The following TFB2M variants were observed in gnomAD, a reference collection of about 807,000 sequenced individuals.
TFB2M encodes transcription factor B2, mitochondrial, also known as dimethyladenosine transferase 2, mitochondrial.
TFB2M carries 44 observed loss-of-function variants against 41.3 expected under a neutral mutation model. That is an observed-to-expected ratio of 1.07 (90% confidence interval 0.84 to 1.37). TFB2M has a LOEUF of 1.37. Among genes scored for constraint, TFB2M ranks in the 40% most tolerant of loss-of-function variants. The pLI is 0.00. For missense variants in TFB2M, 496 were observed against 490.2 expected, an observed-to-expected ratio of 1.01 and a Z score of -0.11; for synonymous variants, 188 against 176.8, an observed-to-expected ratio of 1.06 and a Z score of -0.50.
At position 246,559,681 on chromosome 1, in the gene TFB2M, T is replaced by G. The variant is rs574834550; in HGVS notation, c.403-2147A>C. Among the ~76,000 whole-genome samples the G allele has an allele frequency of 4.6e-5, 7 of 152,306 alleles. No homozygotes were observed. In the East Asian group the frequency reaches 1.4e-3, roughly 29 times the overall value. On this transcript the variant is annotated intron_variant, in intron 2 of 7. Transcript: ENST00000366514. Reference sequence around the variant, plus strand: ...TTGGTCACATTAATTTCGAGATGCCTACTATGTGATCTAGGTAGAGGTGCC... The same window carrying G: ...TTGGTCACATTAATTTCGAGATGCCGACTATGTGATCTAGGTAGAGGTGCC...
intron 2 of TFB2M, 115 bp downstream of exon 2, chr1:246,564,231 G>C: frequency 2.4e-6 from 2 of 823,876 alleles, no homozygotes; most frequent in Non-Finnish European, 3.9e-6. Context: ...ATATTTCAGA[G>C]ATGGCTCCCT....
rs1298851740 is a variant in TFB2M at position 246,566,130 on chromosome 1, G to A, written c.9C>T (p.Ile3=). 4 of 1,609,294 alleles carry A rather than the reference G, an allele frequency of 2.5e-6. No individual in the cohort carries two copies. The highest frequency in any genetic ancestry group is 3.4e-6 in the Non-Finnish European group (4 of 1,176,634). ...GCCGCCGAGGAAGCCCGACCACTGGGATCCACATGTCCTTGTCTCTCAGGC... is the reference window on the plus strand; with the variant it reads ...GCCGCCGAGGAAGCCCGACCACTGGAATCCACATGTCCTTGTCTCTCAGGC... MW[I]PVVGLPRRLR... is the part of the protein sequence containing the mutation. Residue 3 remains isoleucine, a synonymous_variant, in exon 1 of 8, where the codon ATC becomes ATT. Coordinates refer to ENST00000366514, the MANE Select transcript of TFB2M (RefSeq NM_022366.3).
At chr1:246,561,049 C>A (rs746556107) in intron 2 of TFB2M, among the ~76,000 whole-genome samples, 1 of 152,182 alleles carries the variant, frequency 6.6e-6, no homozygotes, top group African/African-American at 2.4e-5. Flanking sequence ...CTTTAGGTGG[C>A]CAGAAGCATT....
At position 246,566,163 on chromosome 1, in the gene TFB2M, A is replaced by C; in HGVS notation, c.-25T>G. ...TGTCCTTGTCTCTCAGGCCCGCTCC[A>C]AGAATCACCTAGTGCAGCTACTACA... On this transcript the variant is annotated 5_prime_UTR_variant, in exon 1 of 8. Coordinates refer to ENST00000366514, the MANE Select transcript of TFB2M (RefSeq NM_022366.3). 6.3e-7 allele frequency: 1 copy of C among 1,592,772 alleles called. No individual in the cohort carries two copies. The highest frequency in any genetic ancestry group is 1.3e-5 in the African/African-American group (1 of 74,406).
intron 2 of TFB2M, among the ~76,000 whole-genome samples, chr1:246,563,201 AC>A (rs1010687081): frequency 3.6e-5 from 4 of 111,806 alleles, no homozygotes; most frequent in African/African-American, 1.5e-4. Context: ...CTCTGAACAC[AC>A]TTTTTTTTTT....
intron 4 of TFB2M, among the ~76,000 whole-genome samples, chr1:246,555,660 A>G (rs1017932765): frequency 6.6e-6 from 1 of 152,244 alleles, no homozygotes; most frequent in African/African-American, 2.4e-5. Context: ...TTCTACTTCT[A>G]GCTGTACACT....
chr1:246,558,296 A>C (rs1659376467), intron 2 of TFB2M, among the ~76,000 whole-genome samples: 1 of 151,848 alleles, frequency 6.6e-6, no homozygotes, highest in South Asian at 2.1e-4. Context: ...ACAGGTGCAT[A>C]CCATCACGCC....
Position 246,565,959 on chromosome 1 carries a change from C to T in TFB2M, c.180G>A (p.Pro60=). 1 of 1,614,182 alleles carries T rather than the reference C, an allele frequency of 6.2e-7. No individual in the cohort carries two copies. The highest frequency in any genetic ancestry group is 8.5e-7 in the Non-Finnish European group (1 of 1,180,040). ...QLWPEPDFRN[P]PRKASKASLD... ...AGCTGGCCTTAGACGCCTTCCTTGG[C>T]GGATTCCTGAAATCCGGTTCGGGCC... Residue 60 remains proline (P), a synonymous_variant, in exon 1 of 8, where the codon CCG becomes CCA. Transcript: ENST00000366514.
chr1:246,556,599 T>C lies in TFB2M; in HGVS notation c.679A>G (p.Met227Val), dbSNP rs779057626. 6.5e-7 allele frequency: 1 copy of C among 1,527,388 alleles called. No individual in the cohort carries two copies. The highest frequency in any genetic ancestry group is 8.8e-7 in the Non-Finnish European group (1 of 1,137,046). The allele number at this position is 1,527,388 out of a possible 1,614,324, so 94.6% of individuals were successfully genotyped here. A position where few individuals can be genotyped will look rare whatever the true frequency, so the allele number is the denominator to read the frequency against. ...IYKFGRIEVN[M>V]FIGEKEFQKL... Reference sequence around the variant, plus strand: ...TGGAATTCTTTTTCACCAATAAACATATTTACTTCTATTCGTCCAAATTTA... The same window carrying C: ...TGGAATTCTTTTTCACCAATAAACACATTTACTTCTATTCGTCCAAATTTA... Residue 227 changes from methionine (M) to valine (V), a missense_variant, in exon 4 of 8, where the codon ATG becomes GTG. Transcript: ENST00000366514.
rs147816669 is a variant in TFB2M, at chr1:246,561,216, T to G, written c.402+3130A>C. Among the ~76,000 whole-genome samples the G allele has an allele frequency of 2.8e-3, 428 of 152,290 alleles. 3 individuals are homozygous for G. The highest frequency in any genetic ancestry group is 9.9e-3 in the African/African-American group (410 of 41,554). ...TATCATAACAATGGTTACTAAAAAG[T>G]GAGAGAATATGTACTAAGGGTTGAG... is the stretch of plus-strand genomic sequence containing the variant. On this transcript the variant is annotated intron_variant, in intron 2 of 7. Coordinates refer to ENST00000366514, the MANE Select transcript of TFB2M (RefSeq NM_022366.3).
At chr1:246,541,654 A>G (rs1281120443) in intron 7 of TFB2M, among the ~76,000 whole-genome samples, 1 of 152,128 alleles carries the variant, frequency 6.6e-6, no homozygotes, top group African/African-American at 2.4e-5. Flanking sequence ...GCTTTCACAT[A>G]CTCTAATCAA....
At chr1:246,543,199 T>C (rs776481764) in intron 7 of TFB2M, among the ~76,000 whole-genome samples, 1 of 144,732 alleles carries the variant, frequency 6.9e-6, no homozygotes, top group Non-Finnish European at 1.6e-5. Flanking sequence ...AGATAAATAT[T>C]GTCTAGTCAA....
At chr1:246,561,152 T>C (rs1379840601) in intron 2 of TFB2M, among the ~76,000 whole-genome samples, 1 of 152,202 alleles carries the variant, frequency 6.6e-6, no homozygotes, top group Non-Finnish European at 1.5e-5. Flanking sequence ...GGCAAACAGA[T>C]TAATTCACAC....
chr1:246,541,634 G>A (rs115736066), intron 7 of TFB2M, among the ~76,000 whole-genome samples: 2,063 of 152,178 alleles, frequency 0.014, 20 homozygotes, highest in Middle Eastern at 0.024. Flanking sequence ...AATATTAATA[G>A]CAGGTTTAGG....
chr1:246,556,755 A>G, intron 3 of TFB2M, 34 bp from the exon 4 acceptor site: 1 of 1,516,872 alleles, frequency 6.6e-7, no homozygotes, highest in Non-Finnish European at 8.8e-7. Context: ...ATTTGAATAA[A>G]GTTCTTAGCA....
chr1:246,558,236 T>A (rs1659374871), intron 2 of TFB2M, among the ~76,000 whole-genome samples: 1 of 150,282 alleles, frequency 6.7e-6, no homozygotes, highest in Non-Finnish European at 1.5e-5. Flanking sequence ...AGCCTTGACC[T>A]CCTGGGCTTA....
At chr1:246,552,569 G>A (rs1490985115) in intron 4 of TFB2M, among the ~76,000 whole-genome samples, 1 of 151,958 alleles carries the variant, frequency 6.6e-6, no homozygotes, top group Non-Finnish European at 1.5e-5. Context: ...GTGTGGTGGT[G>A]TGCACAGGTG....
chr1:246,556,629 T>C lies in TFB2M; in HGVS notation c.649A>G (p.Ile217Val). 2 of 1,567,142 alleles carry C rather than the reference T, an allele frequency of 1.3e-6. No individual in the cohort carries two copies. The highest frequency in any genetic ancestry group is 1.7e-6 in the Non-Finnish European group (2 of 1,160,592). ...ACTTCTATTCGTCCAAATTTATATA[T>C]AGAAGTACAGGAATACAAGTCATAT... ...LAYDLYSCTSIYKFGRIEVNM... is the reference protein window; with the variant it reads ...LAYDLYSCTSVYKFGRIEVNM... The change falls in exon 4 of 8, where the codon ATA becomes GTA. Residue 217 changes from isoleucine to valine, a missense_variant. Ile to Val is a conservative substitution (Grantham distance 29). Transcript: ENST00000366514.
chr1:246,557,236 G>T, intron 3 of TFB2M, 145 bp downstream of exon 3: 1 of 890,568 alleles, frequency 1.1e-6, no homozygotes, highest in Non-Finnish European at 1.7e-6. Flanking sequence ...TCGCGCCACT[G>T]CACTCCAGCC....
Sources: gnomAD v4.1 joint callset for allele counts (sites outside exome capture counted in the v4.1 genomes callset) on GRCh38, gnomAD v4.1.1 for gene constraint, MANE v1.5 for transcripts, NCBI Gene and HGNC (gene_info 2026-07-23, HGNC 2026-07-21) for gene names.